Variants in EGFLAM observed in about 807,000 individuals in gnomAD.
The protein encoded by EGFLAM is pikachurin.
Under a neutral mutation model 113.1 loss-of-function variants are expected in EGFLAM, and 79 were observed. The ratio of observed to expected loss-of-function variants is 0.70; its 90% CI spans 0.58 to 0.84. The LOEUF (loss-of-function observed/expected upper bound fraction) is 0.84. Ranked by LOEUF, EGFLAM falls within the 40% of genes least tolerant of loss-of-function variation. EGFLAM has a pLI of 0.00. For synonymous variants in EGFLAM, 504 were observed against 487.6 expected (o/e 1.03, Z -0.44); for missense variants, 1,265 against 1,291.6 (o/e 0.98, Z 0.32).
At chr5:38,399,230 A>G (rs1325714567) in intron 6 of EGFLAM, among the ~76,000 whole-genome samples, 2 of 151,706 alleles carry the variant, frequency 1.3e-5, no homozygotes, top group Admixed American at 6.6e-5. Context: ...ATTCATTCCA[A>G]ATCGAATTCC....
chr5:38,435,589 CG>C (rs1742317596), intron 16 of EGFLAM, among the ~76,000 whole-genome samples: 1 of 152,052 alleles, frequency 6.6e-6, no homozygotes, highest in Non-Finnish European at 1.5e-5. Flanking sequence ...AGGAGGTGGA[CG>C]GAGGTGAATA....
chr5:38,440,592 A>G (rs1477825087), intron 17 of EGFLAM, among the ~76,000 whole-genome samples: 1 of 152,230 alleles, frequency 6.6e-6, no homozygotes, highest in Non-Finnish European at 1.5e-5. Context: ...CCTTGGTTTG[A>G]AAGACCAAGA....
chr5:38,460,373 C>T (rs1173072180), intron 20 of EGFLAM, among the ~76,000 whole-genome samples: 1 of 152,186 alleles, frequency 6.6e-6, no homozygotes, highest in East Asian at 1.9e-4. Flanking sequence ...ATGATCTTCC[C>T]CTAGACTATA....
At chr5:38,359,607 G>A (rs1739867285) in intron 5 of EGFLAM, among the ~76,000 whole-genome samples, 1 of 152,176 alleles carries the variant, frequency 6.6e-6, no homozygotes, top group African/African-American at 2.4e-5. Context: ...CCCAGGAGGT[G>A]GAGTTTGCAG....
intron 12 of EGFLAM, among the ~76,000 whole-genome samples, chr5:38,423,170 A>G (rs1741889812): frequency 1.3e-5 from 2 of 152,198 alleles, no homozygotes; most frequent in Admixed American, 6.5e-5. Context: ...CTTTCAAGCT[A>G]CAAACCTTGA....
intron 1 of EGFLAM, among the ~76,000 whole-genome samples, chr5:38,307,031 G>A (rs908086879): frequency 1.3e-5 from 2 of 152,132 alleles, no homozygotes; most frequent in Non-Finnish European, 2.9e-5. Context: ...CCCCAGTGTG[G>A]GTAAGTCATC....
rs144936725 is a variant in EGFLAM, at chr5:38,444,671, G to A, written c.2465-3630G>A. 2.0e-3 allele frequency among the ~76,000 whole-genome samples: 302 copies of A among 152,206 alleles called. 1 individual carries two copies. Among genetic ancestry groups the A allele is most frequent in the African/African-American group, 6.9e-3 (286 of 41,516 alleles). On this transcript the variant is annotated intron_variant, in intron 17 of 21. Transcript: ENST00000322350. ...TAAAATATAATCATGTTGGCCAGGCGCAGTGGCTCACACCTGTAATCCAGG... is the reference window on the plus strand; with the variant it reads ...TAAAATATAATCATGTTGGCCAGGCACAGTGGCTCACACCTGTAATCCAGG...
intron 1 of EGFLAM, among the ~76,000 whole-genome samples, chr5:38,272,871 G>A (rs933525850): frequency 7.2e-5 from 11 of 152,048 alleles, no homozygotes; most frequent in African/African-American, 2.7e-4. Context: ...AAGTATTAGT[G>A]ATACATGTAC....
intron 6 of EGFLAM, among the ~76,000 whole-genome samples, chr5:38,392,794 A>G (rs1740849857): frequency 6.6e-6 from 1 of 152,056 alleles, no homozygotes; most frequent in Non-Finnish European, 1.5e-5. Flanking sequence ...TTAACTCATC[A>G]TTTACATTAG....
rs1362259527 is a variant in EGFLAM, at chr5:38,464,434, A to G, written c.*448A>G. On this transcript the variant is annotated 3_prime_UTR_variant, in exon 22 of 22. Transcript: ENST00000322350. The stretch of plus-strand genomic sequence containing the variant: ...CAGCAGAATGACTGTGTGACCTTGA[A>G]CTTCACATTTCCCACATTGGCCCTT... The G allele has an allele frequency of 3.0e-5, 5 of 166,984 alleles. No individual in the cohort carries two copies. Among genetic ancestry groups the G allele is most frequent in the African/African-American group, 1.2e-4 (5 of 42,002 alleles). The allele number at this position is 166,984 out of a possible 1,614,324, so 10.3% of individuals were successfully genotyped here.
At chr5:38,303,685 C>T (rs1465940240) in intron 1 of EGFLAM, among the ~76,000 whole-genome samples, 1 of 152,170 alleles carries the variant, frequency 6.6e-6, no homozygotes. Context: ...ATGTTGAAGG[C>T]AACGAGTGTA....
chr5:38,339,881 C>T (rs758899386), intron 3 of EGFLAM, among the ~76,000 whole-genome samples: 4 of 152,082 alleles, frequency 2.6e-5, no homozygotes, highest in East Asian at 1.9e-4. Context: ...CAGCATTGGC[C>T]GCAGAAGCTG....
intron 1 of EGFLAM, among the ~76,000 whole-genome samples, chr5:38,285,037 C>T (rs2111769409): frequency 6.6e-6 from 1 of 152,288 alleles, no homozygotes; most frequent in Non-Finnish European, 1.5e-5. Flanking sequence ...ACAGTAGAAA[C>T]TCTCTTGTCG....
intron 19 of EGFLAM, among the ~76,000 whole-genome samples, chr5:38,452,262 C>T (rs1434821706): frequency 1.3e-5 from 2 of 152,090 alleles, no homozygotes; most frequent in Non-Finnish European, 2.9e-5. Context: ...CAAACCCTGA[C>T]CTCAGGTGAT....
intron 6 of EGFLAM, among the ~76,000 whole-genome samples, chr5:38,381,446 C>G (rs1740510308): frequency 6.6e-6 from 1 of 152,064 alleles, no homozygotes; most frequent in African/African-American, 2.4e-5. Context: ...CACTTATGTA[C>G]AAATATAAAT....
intron 21 of EGFLAM, 117 bp downstream of exon 21, chr5:38,463,128 C>A (rs1743346368): frequency 2.2e-5 from 21 of 962,512 alleles, no homozygotes; most frequent in Non-Finnish European, 3.0e-5. Context: ...AATCAGGAAG[C>A]CCTCCAGATA....
intron 15 of EGFLAM, among the ~76,000 whole-genome samples, chr5:38,434,309 G>A (rs1399156012): frequency 1.3e-5 from 2 of 152,190 alleles, no homozygotes; most frequent in Non-Finnish European, 2.9e-5. Flanking sequence ...TGCACCCATA[G>A]CCACCTGTAC....
intron 17 of EGFLAM, among the ~76,000 whole-genome samples, chr5:38,444,134 G>T (rs1742634036): frequency 6.6e-6 from 1 of 152,134 alleles, no homozygotes; most frequent in Non-Finnish European, 1.5e-5. Context: ...TGCCTGGACT[G>T]CAGGGCTTCT....
At chr5:38,296,019 T>A (rs2111809469) in intron 1 of EGFLAM, among the ~76,000 whole-genome samples, 1 of 152,294 alleles carries the variant, frequency 6.6e-6, no homozygotes, top group South Asian at 2.1e-4. Flanking sequence ...TTGCCATGTC[T>A]GTTGATTCCT....
Sources: gnomAD v4.1 joint callset for allele counts (sites outside exome capture counted in the v4.1 genomes callset) on GRCh38, gnomAD v4.1.1 for gene constraint, MANE v1.5 for transcripts, NCBI Gene and HGNC (gene_info 2026-07-23, HGNC 2026-07-21) for gene names.